PALLD: variants seen among roughly 807,000 people sequenced by gnomAD.
PALLD encodes the protein palladin.
PALLD carries 61 observed loss-of-function variants against 123.5 expected under a neutral mutation model. The ratio of observed to expected loss-of-function variants is 0.49; its 90% CI spans 0.40 to 0.61. PALLD has a LOEUF of 0.61. Ranked by LOEUF, PALLD falls within the 20% of genes least tolerant of loss-of-function variation. The pLI is 0.00. For synonymous variants in PALLD, 465 were observed against 496.4 expected (o/e 0.94, Z 0.84); for missense variants, 1,273 against 1,377.0 (o/e 0.92, Z 1.20).
intron 10 of PALLD, among the ~76,000 whole-genome samples, chr4:168,720,257 A>C: frequency 6.6e-6 from 1 of 152,300 alleles, no homozygotes; most frequent in South Asian, 2.1e-4. Context: ...CCAATCCCTA[A>C]ATTAGATTCA....
At chr4:168,722,552 G>T (rs1306839840) in intron 10 of PALLD, among the ~76,000 whole-genome samples, 1 of 152,208 alleles carries the variant, frequency 6.6e-6, no homozygotes, top group Non-Finnish European at 1.5e-5. Context: ...AAAGACAGTT[G>T]TGGTAACTGT....
intron 10 of PALLD, among the ~76,000 whole-genome samples, chr4:168,725,421 A>G (rs1786451610): frequency 6.6e-6 from 1 of 151,932 alleles, no homozygotes; most frequent in African/African-American, 2.4e-5. Context: ...GGGATGTATC[A>G]TTATGCTCAA....
chr4:168,773,709 G>A (rs942619663), intron 10 of PALLD, among the ~76,000 whole-genome samples: 6 of 152,110 alleles, frequency 3.9e-5, no homozygotes, highest in African/African-American at 9.7e-5. Context: ...CTGATTTTTC[G>A]TCACTTGCCT....
intron 3 of PALLD, among the ~76,000 whole-genome samples, chr4:168,679,301 G>T (rs190723220): frequency 1.1e-5 from 1 of 91,896 alleles, no homozygotes; most frequent in Non-Finnish European, 2.2e-5. Context: ...GTGTGTGGGG[G>T]GTGTGTGTGT....
intron 10 of PALLD, among the ~76,000 whole-genome samples, chr4:168,879,961 C>G (rs552057449): frequency 6.6e-6 from 1 of 152,312 alleles, no homozygotes; most frequent in African/African-American, 2.4e-5. Context: ...GAGTTTGTTG[C>G]ATGACACTTT....
At chr4:168,613,292 G>A (rs1773910669) in intron 2 of PALLD, among the ~76,000 whole-genome samples, 2 of 152,168 alleles carry the variant, frequency 1.3e-5, no homozygotes, top group Admixed American at 1.3e-4. Flanking sequence ...CTAGTTTCAT[G>A]CTCAAGATGA....
In PALLD at chr4:168,761,641, GTTT is replaced by G. The variant is rs1349689573; in HGVS notation, c.1964+49719_1964+49721del. On this transcript the variant is annotated intron_variant, in intron 10 of 21. Transcript: ENST00000505667. Reference sequence around the variant, plus strand: ...ACGCCCAGCTATTTTTGTTGTTGTTGTTTGTTTTTTTTTTTTTTTTTTTTTTTT... The same window carrying G: ...ACGCCCAGCTATTTTTGTTGTTGTTGGTTTTTTTTTTTTTTTTTTTTTTTT... Among the ~76,000 whole-genome samples, 18 of 11,650 alleles carry G rather than the reference GTTT, an allele frequency of 1.5e-3. 1 individual carries two copies. Among genetic ancestry groups the G allele is most frequent in the African/African-American group, 3.6e-3 (17 of 4,736 alleles). 7.6% of individuals were successfully genotyped at this position (11,650 alleles called of 152,430 possible).
At chr4:168,783,620 A>G (rs1736271450) in intron 10 of PALLD, among the ~76,000 whole-genome samples, 2 of 152,204 alleles carry the variant, frequency 1.3e-5, no homozygotes, top group South Asian at 4.1e-4. Context: ...TAAGATACGG[A>G]GAGTAACAGT....
At chr4:168,654,569 T>C (rs193297246) in intron 2 of PALLD, among the ~76,000 whole-genome samples, 114 of 152,356 alleles carry the variant, frequency 7.5e-4, no homozygotes, top group Admixed American at 1.6e-3. Flanking sequence ...AGTCTATTAT[T>C]AATAGAATGA....
Position 168,511,825 on chromosome 4 carries a change from G to A in PALLD, c.321G>A (p.Glu107=). Residue 107 remains glutamate (E), a synonymous_variant, in exon 2 of 22, where the codon GAG becomes GAA. Coordinates refer to ENST00000505667, the MANE Select transcript of PALLD (RefSeq NM_001166108.2). ...CAACACCTGTCCAGCCTCTGGCAGA[G>A]AAACAAACTAAGAGTATCTCTTCAC... ...NRSTPVQPLA[E]KQTKSISSPV... is the part of the protein sequence containing the mutation. The A allele has an allele frequency of 1.2e-6, 2 of 1,614,152 alleles. No individual in the cohort carries two copies. The highest frequency in any genetic ancestry group is 1.7e-6 in the Non-Finnish European group (2 of 1,180,032).
chr4:168,737,441 TGAG>T (rs753077096), intron 10 of PALLD, among the ~76,000 whole-genome samples: 1 of 152,120 alleles, frequency 6.6e-6, no homozygotes, highest in Non-Finnish European at 1.5e-5. Flanking sequence ...ATGTGAGTAA[TGAG>T]GAGTTTGGAA....
intron 2 of PALLD, among the ~76,000 whole-genome samples, chr4:168,520,822 C>G (rs1708618519): frequency 6.6e-6 from 1 of 152,200 alleles, no homozygotes; most frequent in Non-Finnish European, 1.5e-5. Flanking sequence ...AAATGTTGCT[C>G]TCACTGATAC....
chr4:168,761,102 T>A (rs1732763091), intron 10 of PALLD, among the ~76,000 whole-genome samples: 1 of 152,258 alleles, frequency 6.6e-6, no homozygotes, highest in Non-Finnish European at 1.5e-5. Context: ...CAAAAATCTC[T>A]GTTGTTCTTT....
At chr4:168,520,938 G>A (rs927871139) in intron 2 of PALLD, among the ~76,000 whole-genome samples, 2 of 152,236 alleles carry the variant, frequency 1.3e-5, no homozygotes, top group Non-Finnish European at 2.9e-5. Context: ...CTAGTCATGA[G>A]TAGCAGTAGC....
chr4:168,806,398 C>G (rs1193811114), intron 10 of PALLD, among the ~76,000 whole-genome samples: 1 of 152,086 alleles, frequency 6.6e-6, no homozygotes, highest in African/African-American at 2.4e-5. Flanking sequence ...TGGCACTTCC[C>G]CCTTTGCTCT....
chr4:168,556,911 CT>C (rs1184838136), intron 2 of PALLD, among the ~76,000 whole-genome samples: 2 of 152,160 alleles, frequency 1.3e-5, no homozygotes, highest in African/African-American at 4.8e-5. Context: ...TATAGCCCTA[CT>C]TTATTCTAGA....
chr4:168,776,799 A>C (rs1275417845), intron 10 of PALLD, among the ~76,000 whole-genome samples: 1 of 152,062 alleles, frequency 6.6e-6, no homozygotes, highest in Non-Finnish European at 1.5e-5. Context: ...ATGTTAAACC[A>C]CCTCTACAGT....
At chr4:168,817,208 C>T (rs762601684) in intron 10 of PALLD, among the ~76,000 whole-genome samples, 16 of 152,134 alleles carry the variant, frequency 1.1e-4, no homozygotes, top group Non-Finnish European at 2.4e-4. Context: ...TTTAGAAGCT[C>T]TTTCAGTGGC....
intron 2 of PALLD, among the ~76,000 whole-genome samples, chr4:168,587,696 A>T (rs954258078): frequency 6.6e-6 from 1 of 152,024 alleles, no homozygotes; most frequent in African/African-American, 2.4e-5. Flanking sequence ...GCAATTCCCT[A>T]ACCAGTGCTA....
Sources: allele counts gnomAD v4.1 joint callset (sites outside exome capture counted in the v4.1 genomes callset), GRCh38; gene constraint gnomAD v4.1.1; transcripts MANE v1.5; gene names NCBI Gene and HGNC (gene_info 2026-07-23, HGNC 2026-07-21).